ARHGEF28: variants seen among roughly 807,000 people sequenced by gnomAD.
ARHGEF28 encodes 190 kDa guanine nucleotide exchange factor.
ARHGEF28 carries 152 observed loss-of-function variants against 206.6 expected under a neutral mutation model. The observed-to-expected ratio is 0.74, with a 90% CI of 0.64 to 0.84. The LOEUF (loss-of-function observed/expected upper bound fraction) is 0.84, where lower values mean the gene tolerates loss of function less well. Ranked by LOEUF, ARHGEF28 falls within the 40% of genes least tolerant of loss-of-function variation. The pLI, the probability that ARHGEF28 is intolerant of heterozygous loss-of-function variation, is 0.00. For synonymous variants in ARHGEF28, 763 were observed against 776.4 expected (o/e 0.98, Z 0.29); for missense variants, 2,028 against 2,073.2 (o/e 0.98, Z 0.42).
At chr5:73,867,455 A>G (rs1041840389) in intron 18 of ARHGEF28, among the ~76,000 whole-genome samples, 2 of 152,186 alleles carry the variant, frequency 1.3e-5, no homozygotes, top group Non-Finnish European at 2.9e-5. Context: ...ATTCCATTCC[A>G]TTGACGTGTT....
intron 15 of ARHGEF28, 119 bp from the exon 16 acceptor site, chr5:73,857,968 T>G: frequency 6.8e-7 from 1 of 1,463,060 alleles, no homozygotes; most frequent in Non-Finnish European, 9.2e-7. Context: ...GTGCAGTCCT[T>G]ATATTCTGAT....
intron 2 of ARHGEF28, among the ~76,000 whole-genome samples, chr5:73,741,154 G>C (rs1751353113): frequency 6.6e-6 from 1 of 151,890 alleles, no homozygotes; most frequent in Non-Finnish European, 1.5e-5. Context: ...GATTTGAAAA[G>C]GAAGCAAGCT....
chr5:73,633,808 C>A (rs1234295484), intron 1 of ARHGEF28, among the ~76,000 whole-genome samples: 1 of 151,932 alleles, frequency 6.6e-6, no homozygotes, highest in African/African-American at 2.4e-5. Flanking sequence ...AACTCCTGAT[C>A]TCAGGTGATC....
intron 9 of ARHGEF28, among the ~76,000 whole-genome samples, chr5:73,824,936 G>A (rs574723616): frequency 3.3e-5 from 5 of 152,288 alleles, no homozygotes; most frequent in South Asian, 2.1e-4. Context: ...CCATCACAAC[G>A]TGTAGCAAGG....
At chr5:73,744,472 T>A (rs983126236) in intron 2 of ARHGEF28, among the ~76,000 whole-genome samples, 1 of 152,052 alleles carries the variant, frequency 6.6e-6, no homozygotes, top group Non-Finnish European at 1.5e-5. Context: ...GCATGCTTTT[T>A]TTTTCTTTTA....
chr5:73,782,869 G>A lies in ARHGEF28; in HGVS notation c.910+2124G>A, dbSNP rs183016010. Among the ~76,000 whole-genome samples the A allele has an allele frequency of 1.0e-3, 157 of 152,210 alleles. 2 individuals are homozygous for A. The highest frequency in any genetic ancestry group is 3.6e-3 in the African/African-American group (150 of 41,528). ...CTGATAAACTTGGAGCTAAGTTTCT[G>A]GGCACTTGATTACAAGGGCCTATGG... On this transcript the variant is annotated intron_variant, in intron 7 of 35. Transcript: ENST00000513042.
chr5:73,631,445 CTA>C lies in ARHGEF28; in HGVS notation c.-12+5125_-12+5126del. Among the ~76,000 whole-genome samples, 3 of 152,308 alleles carry C rather than the reference CTA, an allele frequency of 2.0e-5. No individual in the cohort carries two copies. In the Middle Eastern group the frequency reaches 0.01, roughly 518 times the overall value. ...ATTCAGTGATTAATGAGACTACTGA[CTA>C]TGGGTTCTTTACTTTGAGCCTCTAA... On this transcript the variant is annotated intron_variant, in intron 1 of 35. Transcript: ENST00000513042.
intron 10 of ARHGEF28, among the ~76,000 whole-genome samples, chr5:73,839,052 A>G (rs2112572579): frequency 1.3e-5 from 2 of 152,194 alleles, no homozygotes; most frequent in African/African-American, 4.8e-5. Flanking sequence ...AGTGTCTTTC[A>G]GTTTTGGTTT....
intron 1 of ARHGEF28, among the ~76,000 whole-genome samples, chr5:73,678,312 G>A (rs1163132921): frequency 6.6e-6 from 1 of 152,148 alleles, no homozygotes; most frequent in Non-Finnish European, 1.5e-5. Context: ...GGAGTGAAAA[G>A]TGGTTGCTCT....
At chr5:73,832,167 T>C (rs1323411160) in intron 9 of ARHGEF28, among the ~76,000 whole-genome samples, 171 bp from the exon 10 acceptor site, 1 of 152,214 alleles carries the variant, frequency 6.6e-6, no homozygotes, top group Non-Finnish European at 1.5e-5. Context: ...TCTAGATAGC[T>C]GAGGTTTGGA....
intron 35 of ARHGEF28, among the ~76,000 whole-genome samples, chr5:73,914,355 C>T (rs1763082047): frequency 6.7e-6 from 1 of 149,860 alleles, no homozygotes; most frequent in African/African-American, 2.5e-5. Context: ...CTTTAGAGCC[C>T]ATGCTGTCAA....
At chr5:73,802,888 G>C (rs961009416) in intron 9 of ARHGEF28, among the ~76,000 whole-genome samples, 18 of 150,488 alleles carry the variant, frequency 1.2e-4, no homozygotes, top group African/African-American at 2.4e-4. Flanking sequence ...GTGTGTGTGT[G>C]TGTGTGTGTG....
chr5:73,886,174 A>G, intron 25 of ARHGEF28, 70 bp downstream of exon 25: 1 of 1,517,202 alleles, frequency 6.6e-7, no homozygotes, highest in Non-Finnish European at 8.8e-7. Flanking sequence ...ACAGATTTTC[A>G]AAAGAAAAAC....
intron 35 of ARHGEF28, among the ~76,000 whole-genome samples, chr5:73,927,177 A>T (rs1763862375): frequency 6.6e-6 from 1 of 151,920 alleles, no homozygotes; most frequent in Admixed American, 6.6e-5. Context: ...CTTGGGCAAC[A>T]TAGCGAGAGC....
chr5:73,817,782 G>A (rs759140314), intron 9 of ARHGEF28, among the ~76,000 whole-genome samples: 2 of 152,052 alleles, frequency 1.3e-5, no homozygotes, highest in Non-Finnish European at 2.9e-5. Flanking sequence ...TGTCCTTCCT[G>A]GTATGTTTCA....
chr5:73,827,094 C>A (rs551288315), intron 9 of ARHGEF28, among the ~76,000 whole-genome samples: 37 of 152,336 alleles, frequency 2.4e-4, no homozygotes, highest in African/African-American at 8.9e-4. Flanking sequence ...CCTCCCATTT[C>A]ATGAGAGCTC....
At chr5:73,642,347 T>A (rs1744169854) in intron 1 of ARHGEF28, among the ~76,000 whole-genome samples, 1 of 152,248 alleles carries the variant, frequency 6.6e-6, no homozygotes. Flanking sequence ...TTTTTGTTTT[T>A]TTAACTTTCC....
At chr5:73,919,412 G>A (rs16871023) in intron 35 of ARHGEF28, among the ~76,000 whole-genome samples, 24,425 of 152,154 alleles carry the variant, frequency 0.16, 4,041 homozygotes, top group African/African-American at 0.42. Flanking sequence ...ATAGCACAGC[G>A]TTTTGCTTCT....
chr5:73,637,806 A>G (rs978265305), intron 1 of ARHGEF28, among the ~76,000 whole-genome samples: 1 of 152,252 alleles, frequency 6.6e-6, no homozygotes, highest in Non-Finnish European at 1.5e-5. Flanking sequence ...ATTAGCTGCC[A>G]TAAAAGCCAG....
Sources: allele counts gnomAD v4.1 joint callset (sites outside exome capture counted in the v4.1 genomes callset), GRCh38; gene constraint gnomAD v4.1.1; transcripts MANE v1.5; gene names NCBI Gene and HGNC (gene_info 2026-07-23, HGNC 2026-07-21).